MICAL3: variants seen among roughly 807,000 people sequenced by gnomAD.
MICAL3 encodes the protein microtubule associated monooxygenase, calponin and LIM domain containing 3, also known as [F-actin]-monooxygenase MICAL3.
A neutral mutation model predicts 207.4 loss-of-function variants in MICAL3; 62 were observed. That is an observed-to-expected ratio of 0.30 (90% CI 0.24 to 0.37). The LOEUF is 0.37. MICAL3 is among the 10% of genes least tolerant of loss of function. The pLI, the probability that MICAL3 is intolerant of heterozygous loss-of-function variation, is 1.00. For synonymous variants in MICAL3, 1,077 were observed against 1,069.3 expected (o/e 1.01, Z -0.14); for missense variants, 2,368 against 2,635.6 (o/e 0.90, Z 2.22).
chr22:17,845,230 A>G (rs779068722), intron 19 of MICAL3, among the ~76,000 whole-genome samples: 1 of 152,228 alleles, frequency 6.6e-6, no homozygotes, highest in South Asian at 2.1e-4. Flanking sequence ...CTTCAGGGAA[A>G]CAAACAACTA....
At chr22:17,973,438 C>G (rs534219427) in intron 1 of MICAL3, among the ~76,000 whole-genome samples, 1 of 152,320 alleles carries the variant, frequency 6.6e-6, no homozygotes, top group Admixed American at 6.5e-5. Flanking sequence ...GCTTGATCAT[C>G]ATGAGGCCCA....
intron 16 of MICAL3, among the ~76,000 whole-genome samples, chr22:17,882,587 G>A (rs1929540915): frequency 6.6e-6 from 1 of 152,220 alleles, no homozygotes; most frequent in Non-Finnish European, 1.5e-5. Context: ...ATTTAGAGCT[G>A]AGAAAGTTCT....
chr22:17,945,602 G>T (rs1283270659), intron 1 of MICAL3, among the ~76,000 whole-genome samples: 1 of 152,170 alleles, frequency 6.6e-6, no homozygotes, highest in Non-Finnish European at 1.5e-5. Context: ...GAGAGCAAGG[G>T]GTAACACGCG....
rs142757104 is a variant in MICAL3, at chr22:17,844,272, C to T, written c.2606-2255G>A. 3.2e-3 allele frequency among the ~76,000 whole-genome samples: 491 copies of T among 152,266 alleles called. 6 individuals carry two copies. The highest frequency in any genetic ancestry group is 0.011 in the African/African-American group (467 of 41,556). On this transcript the variant is annotated intron_variant, in intron 19 of 31. Coordinates refer to ENST00000441493, the MANE Select transcript of MICAL3 (RefSeq NM_015241.3). ...CAACATTCTAAGCTCTAGGAGACAACGCTGGGTTTTGGCATGCCACATCAT... is the reference window on the plus strand; with the variant it reads ...CAACATTCTAAGCTCTAGGAGACAATGCTGGGTTTTGGCATGCCACATCAT...
chr22:17,887,376 TA>T lies in MICAL3; in HGVS notation c.1950del (p.Ile651SerfsTer4). 6.2e-7 allele frequency: 1 copy of T among 1,613,970 alleles called. No individual in the cohort carries two copies. Among genetic ancestry groups the T allele is most frequent in the Non-Finnish European group, 8.5e-7 (1 of 1,179,870 alleles). On this transcript the variant is annotated frameshift_variant, in exon 14 of 32. Transcript: ENST00000441493. LOFTEE classifies it high-confidence loss of function. ...TGGCCAAGTTTGCTTAGGAAGGAGA[TA>T]GGGGATCTGGTGCTGGCTATCAGGA... Reference protein sequence around the residue: ...KAVLIASTRSPISFLSKLGQT... With the variant: ...KAVLIASTRSXISFLSKLGQT...
chr22:17,856,189 G>A (rs1382446102), intron 19 of MICAL3, among the ~76,000 whole-genome samples: 1 of 152,258 alleles, frequency 6.6e-6, no homozygotes, highest in African/African-American at 2.4e-5. Context: ...GGCCCCCAGG[G>A]CTAACTGATC....
chr22:17,881,250 A>G (rs1929398924), intron 16 of MICAL3: 1 of 1,612,066 alleles, frequency 6.2e-7, no homozygotes, highest in Non-Finnish European at 8.5e-7. Flanking sequence ...TAGGGGGAGG[A>G]GACAGGGTGA....
chr22:17,822,544 C>T (rs1232692215), intron 23 of MICAL3, among the ~76,000 whole-genome samples: 1 of 152,210 alleles, frequency 6.6e-6, no homozygotes, highest in African/African-American at 2.4e-5. Flanking sequence ...CTGACTGCCA[C>T]CCCAACTCCA....
chr22:18,016,096 T>C (rs1336503391), intron 1 of MICAL3, among the ~76,000 whole-genome samples: 1 of 152,248 alleles, frequency 6.6e-6, no homozygotes, highest in African/African-American at 2.4e-5. Context: ...CCATATATTA[T>C]CATGTTGCAT....
chr22:17,835,802 G>A (rs1335059633), intron 20 of MICAL3, among the ~76,000 whole-genome samples: 2 of 152,206 alleles, frequency 1.3e-5, no homozygotes, highest in African/African-American at 4.8e-5. Context: ...TGCTTGATTG[G>A]GGTCTGCCTC....
chr22:17,976,549 GTGTGTGTGTGTGTATA>G (rs1158272299), intron 1 of MICAL3, among the ~76,000 whole-genome samples: 4 of 71,444 alleles, frequency 5.6e-5, no homozygotes, highest in South Asian at 3.7e-4. Flanking sequence ...GTGTGTGTGT[GTGTGTGTGTGTGTATA>G]TATATATATA....
Position 17,902,142 on chromosome 22 carries a change from T to C in MICAL3, c.590-163A>G, listed in dbSNP as rs1388105970. 1.3e-5 allele frequency among the ~76,000 whole-genome samples: 2 copies of C among 152,198 alleles called. No homozygotes were observed. The highest frequency in any genetic ancestry group is 2.1e-4 in the South Asian group (1 of 4,838). ...GGCTGTGCACGGTGGCTCGTGCCTCTAATCCCAGCACTATGCGAGGCAGAG... is the reference window on the plus strand; with the variant it reads ...GGCTGTGCACGGTGGCTCGTGCCTCCAATCCCAGCACTATGCGAGGCAGAG... On this transcript the variant is annotated intron_variant, in intron 4 of 31. Coordinates refer to ENST00000441493, the MANE Select transcript of MICAL3 (RefSeq NM_015241.3). This position sits in a 1 kb window ranked among gnomAD's most constrained non-coding sequence, Gnocchi z 4.5.
intron 1 of MICAL3, among the ~76,000 whole-genome samples, chr22:17,965,183 C>CAAAAAA (rs370246938): frequency 9.5e-6 from 1 of 105,640 alleles, no homozygotes. Flanking sequence ...ACCCCGTCTC[C>CAAAAAA]AAAAAAAAAA....
At chr22:18,020,268 C>G (rs1312105140) in intron 1 of MICAL3, 3 of 152,388 alleles carry the variant, frequency 2.0e-5, no homozygotes, top group African/African-American at 7.3e-5. Flanking sequence ...TCCCATCATC[C>G]TTTAAGATAA....
At chr22:17,800,393 AAAG>A (rs2061925608) in intron 29 of MICAL3, among the ~76,000 whole-genome samples, 1 of 152,152 alleles carries the variant, frequency 6.6e-6, no homozygotes, top group African/African-American at 2.4e-5. Flanking sequence ...AGGGCAGAAG[AAAG>A]AAGGGGAGTG....
intron 1 of MICAL3, among the ~76,000 whole-genome samples, chr22:17,994,849 G>A (rs1170584724): frequency 6.6e-6 from 1 of 152,172 alleles, no homozygotes; most frequent in Non-Finnish European, 1.5e-5. Context: ...AGGCTGTGCT[G>A]TCCATCCCTC....
At position 17,817,395 on chromosome 22, in the gene MICAL3, C is replaced by T. The variant is rs759941609; in HGVS notation, c.5266G>A (p.Asp1756Asn). 27 of 1,613,060 alleles carry T rather than the reference C, an allele frequency of 1.7e-5. No homozygotes were observed. The highest frequency in any genetic ancestry group is 5.5e-5 in the South Asian group (5 of 91,052). The change falls in exon 26 of 32, where the codon GAC becomes AAC. Residue 1756 changes from aspartate (D) to asparagine (N), a missense_variant. Physicochemically the swap from Asp to Asn is conservative, Grantham distance 23. This residue lies in a region of MICAL3 where 1,770 missense variants were observed against 1,863.2 expected (regional missense o/e 0.95). Coordinates refer to ENST00000441493, the MANE Select transcript of MICAL3 (RefSeq NM_015241.3). Reference protein sequence around the residue: ...GYKKDKKKKADDKSCPSTPSS... With the variant: ...GYKKDKKKKANDKSCPSTPSS... ...GGGGTGCTGGGGCAGGACTTGTCGT[C>T]GGCCTTCTTCTTCTTGTCCTTCTTG...
chr22:17,920,474 G>A (rs188673280), intron 1 of MICAL3, among the ~76,000 whole-genome samples: 92 of 152,196 alleles, frequency 6.0e-4, no homozygotes, highest in African/African-American at 2.0e-3. Context: ...AGGCTCAGAC[G>A]CGTTCCGGTC....
intron 1 of MICAL3, among the ~76,000 whole-genome samples, chr22:17,948,162 T>C (rs146125897): frequency 2.0e-5 from 3 of 152,280 alleles, no homozygotes; most frequent in Non-Finnish European, 4.4e-5. Flanking sequence ...CACTGCAGTC[T>C]GGCAAGTCCC....
Sources: allele counts gnomAD v4.1 joint callset (sites outside exome capture counted in the v4.1 genomes callset), GRCh38; gene constraint gnomAD v4.1.1; regional missense constraint gnomAD v4.1.1; non-coding constraint Gnocchi (gnomAD v3.1); transcripts MANE v1.5; gene names NCBI Gene and HGNC (gene_info 2026-07-23, HGNC 2026-07-21).